The following FAM186A variants were observed in gnomAD, a reference collection of about 807,000 sequenced individuals.
The protein encoded by FAM186A is family with sequence similarity 186 member A.
In FAM186A, 163 loss-of-function variants were observed where a neutral mutation model predicts 216.8. The observed-to-expected ratio is 0.75, with a 90% CI of 0.66 to 0.86. The LOEUF (loss-of-function observed/expected upper bound fraction) is 0.86, where lower values mean the gene tolerates loss of function less well. Among genes scored for constraint, FAM186A ranks in the 40% least tolerant of loss-of-function variants. The pLI is 0.00. For synonymous variants in FAM186A, 805 were observed against 1,025.3 expected (o/e 0.79, Z 4.10); for missense variants, 2,184 against 2,746.2 (o/e 0.80, Z 4.58).
chr12:50,389,059 TA>T (rs1293509775), intron 1 of FAM186A, among the ~76,000 whole-genome samples: 1 of 147,594 alleles, frequency 6.8e-6, no homozygotes, highest in Non-Finnish European at 1.5e-5. Flanking sequence ...CTCTGTCATT[TA>T]AAAAAAAGAA....
intron 1 of FAM186A, among the ~76,000 whole-genome samples, chr12:50,394,647 G>T (rs945417409): frequency 2.7e-5 from 4 of 148,912 alleles, no homozygotes; most frequent in African/African-American, 9.9e-5. Context: ...GACTGGTCTT[G>T]AACTCCAGGA....
At chr12:50,340,735 G>A (rs1267462138) in intron 4 of FAM186A, among the ~76,000 whole-genome samples, 1 of 150,976 alleles carries the variant, frequency 6.6e-6, no homozygotes, top group Admixed American at 6.6e-5. Context: ...ACAACATCTA[G>A]TACTATTGAG....
At chr12:50,389,672 A>C (rs539578180) in intron 1 of FAM186A, among the ~76,000 whole-genome samples, 1 of 152,336 alleles carries the variant, frequency 6.6e-6, no homozygotes, top group African/African-American at 2.4e-5. Context: ...ATCATTTGCC[A>C]GATCATAGCG....
rs1302416378 is a variant in FAM186A at position 50,355,557 on chromosome 12, A to C, written c.1275T>G (p.Val425=). The C allele has an allele frequency of 6.4e-7, 1 of 1,551,624 alleles. No individual in the cohort carries two copies. The highest frequency in any genetic ancestry group is 2.0e-5 in the Admixed American group (1 of 50,998). The change falls in exon 4 of 8, where the codon GTT becomes GTG. Residue 425 remains valine, a synonymous_variant. Transcript: ENST00000327337. ...TGTCTTCGGAAATATCTTCAGAAGC[A>C]ACAGGTTGCTGTCGTAGTTCAGTTA... ...PDLTELRQQP[V]ASEDISEDST...
At chr12:50,391,476 C>T (rs565518618) in intron 1 of FAM186A, among the ~76,000 whole-genome samples, 1 of 146,952 alleles carries the variant, frequency 6.8e-6, no homozygotes, top group Admixed American at 6.8e-5. Context: ...CCACCATGCC[C>T]GGCTAATTTT....
intron 1 of FAM186A, among the ~76,000 whole-genome samples, chr12:50,370,679 C>T (rs1000753572): frequency 1.3e-5 from 2 of 151,922 alleles, no homozygotes; most frequent in African/African-American, 4.8e-5. Flanking sequence ...AAGCAGGGTC[C>T]CTAAGAAATA....
At chr12:50,360,115 G>T (rs958388812) in intron 3 of FAM186A, among the ~76,000 whole-genome samples, 1 of 150,756 alleles carries the variant, frequency 6.6e-6, no homozygotes, top group East Asian at 2.0e-4. Context: ...GTGGTGGCAG[G>T]TGCCTGTAAT....
chr12:50,373,165 G>A (rs915520423), intron 1 of FAM186A, among the ~76,000 whole-genome samples: 8 of 152,180 alleles, frequency 5.3e-5, no homozygotes, highest in Middle Eastern at 6.8e-3. Flanking sequence ...TTAGGAGGCC[G>A]AGGTGGGCAT....
At position 50,396,352 on chromosome 12, in the gene FAM186A, A is replaced by T; in HGVS notation, c.133T>A (p.Phe45Ile). 1 of 1,551,636 alleles carries T rather than the reference A, an allele frequency of 6.4e-7. No homozygotes were observed. Among genetic ancestry groups the T allele is most frequent in the South Asian group, 1.2e-5 (1 of 84,056 alleles). ...CTAGAGATGATATCCTTTACTGAGAATGGGATCTCAAGGTTAGGGAGCATC... is the reference window on the plus strand; with the variant it reads ...CTAGAGATGATATCCTTTACTGAGATTGGGATCTCAAGGTTAGGGAGCATC... ...PLMLPNLEIP[F>I]SVKDIISRIE... Residue 45 changes from phenylalanine to isoleucine, a missense_variant, in exon 1 of 8, where the codon TTC (phenylalanine) becomes ATC (isoleucine). This residue lies in a region of FAM186A where 1,132 missense variants were observed against 1,263.4 expected (regional missense o/e 0.90). Coordinates refer to ENST00000327337, the MANE Select transcript of FAM186A (RefSeq NM_001145475.3).
intron 1 of FAM186A, among the ~76,000 whole-genome samples, chr12:50,389,996 C>T (rs1294472151): frequency 6.6e-6 from 1 of 152,140 alleles, no homozygotes; most frequent in Non-Finnish European, 1.5e-5. Flanking sequence ...CACAGTAGCC[C>T]TCACTCCACA....
rs891852201 is a variant in FAM186A at position 50,363,259 on chromosome 12, C to T, written c.298G>A (p.Glu100Lys). ...TTGGTTCTCTGTTTTTTCTTATGTT[C>T]TGTAAGGGAGACATTCCTTTCAGAG... ...SSSERNVSLT[E>K]HKKKQRTNFL... The change falls in exon 2 of 8, where the codon GAA (glutamate) becomes AAA (lysine). Residue 100 changes from glutamate (E) to lysine (K), a missense_variant. Physicochemically the swap from Glu to Lys is moderately conservative, Grantham distance 56. Transcript: ENST00000327337. 7.7e-6 allele frequency: 12 copies of T among 1,551,442 alleles called. No individual in the cohort carries two copies. The highest frequency in any genetic ancestry group is 9.6e-6 in the Non-Finnish European group (11 of 1,146,906).
At position 50,354,226 on chromosome 12, in the gene FAM186A, T is replaced by C. The variant is rs115929134; in HGVS notation, c.2606A>G (p.Gln869Arg). Residue 869 changes from glutamine (Q) to arginine (R), a missense_variant, in exon 4 of 8, where the codon CAG (glutamine) becomes CGG (arginine). This residue lies in a region of FAM186A where 1,132 missense variants were observed against 1,263.4 expected (regional missense o/e 0.90). Coordinates refer to ENST00000327337, the MANE Select transcript of FAM186A (RefSeq NM_001145475.3). The stretch of plus-strand genomic sequence containing the variant: ...TTGTTCTTGCTTTCCCTCCTTCATC[T>C]GGAGCCATGCCTTTTTTTCTTCCCA... Reference protein sequence around the residue: ...ENWEEKKAWLQMKEGKQEQQS... With the variant: ...ENWEEKKAWLRMKEGKQEQQS... 3,854 of 1,551,692 alleles carry C rather than the reference T, an allele frequency of 2.5e-3. 73 individuals carry two copies. The African/African-American group carries it at 0.034, about 13-fold the overall frequency.
chr12:50,388,742 T>C (rs1038153815), intron 1 of FAM186A, among the ~76,000 whole-genome samples: 1 of 152,090 alleles, frequency 6.6e-6, no homozygotes, highest in Non-Finnish European at 1.5e-5. Flanking sequence ...AGTTTCTCCC[T>C]AGGAAAAATT....
rs146644996 is a variant in FAM186A, at chr12:50,355,073, C to G, written c.1759G>C (p.Glu587Gln). ...TCAAATTGGATCATACTGAGTGGCT[C>G]CACTAGGCTTCTAATTTCACCTTTG... ...EGKGEIRSLV[E>Q]PLSMIQFDDT... Residue 587 changes from glutamate to glutamine, a missense_variant, in exon 4 of 8, where the codon GAG becomes CAG. Transcript: ENST00000327337. The G allele has an allele frequency of 6.4e-7, 1 of 1,551,664 alleles. No individual in the cohort carries two copies.
At chr12:50,346,585 C>T (rs879506345) in intron 4 of FAM186A, among the ~76,000 whole-genome samples, 9 of 152,296 alleles carry the variant, frequency 5.9e-5, no homozygotes, top group East Asian at 1.9e-4. Flanking sequence ...TGGTGGCTCA[C>T]GCCTGTAATC....
chr12:50,359,799 A>G (rs952437546), intron 3 of FAM186A, among the ~76,000 whole-genome samples: 1 of 152,236 alleles, frequency 6.6e-6, no homozygotes, highest in Non-Finnish European at 1.5e-5. Flanking sequence ...ACCACAATAC[A>G]ATATGATTCT....
In FAM186A at chr12:50,340,842, G is replaced by A. The variant is rs148487544; in HGVS notation, c.6504-6739C>T. 1.0e-3 allele frequency among the ~76,000 whole-genome samples: 156 copies of A among 150,428 alleles called. 1 individual carries two copies. Among genetic ancestry groups the A allele is most frequent in the African/African-American group, 2.9e-3 (119 of 40,882 alleles). On this transcript the variant is annotated intron_variant, in intron 4 of 7. Coordinates refer to ENST00000327337, the MANE Select transcript of FAM186A (RefSeq NM_001145475.3). Reference sequence around the variant, plus strand: ...GACAGAGTCTTGCTCTGTTGCCCAGGCTGGAGTGCAATGGTGTGATCTGGG... The same window carrying A: ...GACAGAGTCTTGCTCTGTTGCCCAGACTGGAGTGCAATGGTGTGATCTGGG...
intron 1 of FAM186A, among the ~76,000 whole-genome samples, chr12:50,379,472 A>C (rs929517772): frequency 5.2e-5 from 6 of 115,842 alleles, no homozygotes; most frequent in African/African-American, 1.0e-4. Flanking sequence ...AGAGGGAAAA[A>C]CAAAAACAAA....
rs1942621683 is a variant in FAM186A at position 50,327,956 on chromosome 12, A to G, written c.7035-552T>C. ...ATTGCTTATTAGACAGTATTCTTATACCTAAAGTTAGAACATGGCTTAAAT... is the reference window on the plus strand; with the variant it reads ...ATTGCTTATTAGACAGTATTCTTATGCCTAAAGTTAGAACATGGCTTAAAT... On this transcript the variant is annotated intron_variant, in intron 7 of 7. Transcript: ENST00000327337. Among the ~76,000 whole-genome samples the G allele has an allele frequency of 3.3e-5, 5 of 152,158 alleles. No individual in the cohort carries two copies. The South Asian group carries it at 1.0e-3, about 32-fold the overall frequency.
Sources: gnomAD v4.1 joint callset for allele counts (sites outside exome capture counted in the v4.1 genomes callset) on GRCh38, gnomAD v4.1.1 for gene constraint, gnomAD v4.1.1 regional missense constraint, MANE v1.5 for transcripts, NCBI Gene and HGNC (gene_info 2026-07-23, HGNC 2026-07-21) for gene names.